ITPRID1: variants seen among roughly 807,000 people sequenced by gnomAD.
ITPRID1 encodes ITPR interacting domain containing 1.
Under a neutral mutation model 95.4 loss-of-function variants are expected in ITPRID1, and 96 were observed. The ratio of observed to expected loss-of-function variants is 1.01; its 90% CI spans 0.85 to 1.19. The LOEUF (loss-of-function observed/expected upper bound fraction) is 1.19, where lower values mean the gene tolerates loss of function less well. Ranked by LOEUF, ITPRID1 falls within the 50% of genes most tolerant of loss-of-function variation. The probability of loss-of-function intolerance (pLI) is 0.00; values close to 1 mark genes in which losing one functional copy is unlikely to be tolerated. For synonymous variants in ITPRID1, 510 were observed against 453.6 expected, an observed-to-expected ratio of 1.12 and a Z score of -1.58; for missense variants, 1,339 against 1,252.9, an observed-to-expected ratio of 1.07 and a Z score of -1.04.
At chr7:31,641,920 T>C (rs1379668644) in intron 10 of ITPRID1, among the ~76,000 whole-genome samples, 1 of 152,206 alleles carries the variant, frequency 6.6e-6, no homozygotes, top group Non-Finnish European at 1.5e-5. Flanking sequence ...TGTTATTTGG[T>C]TTTGAGAGAC....
At chr7:31,558,606 A>T (rs895384931) in intron 5 of ITPRID1, among the ~76,000 whole-genome samples, 3 of 152,322 alleles carry the variant, frequency 2.0e-5, no homozygotes, top group African/African-American at 2.4e-5. Context: ...CATGGTGACT[A>T]TATTAGTAAT....
At chr7:31,638,971 T>G (rs1789748777) in intron 10 of ITPRID1, among the ~76,000 whole-genome samples, 1 of 152,122 alleles carries the variant, frequency 6.6e-6, no homozygotes, top group Non-Finnish European at 1.5e-5. Flanking sequence ...GACACGGGAT[T>G]TCACCATGTT....
At chr7:31,515,643 TA>T (rs1451635200) in intron 1 of ITPRID1, among the ~76,000 whole-genome samples, 1 of 152,166 alleles carries the variant, frequency 6.6e-6, no homozygotes, top group African/African-American at 2.4e-5. Flanking sequence ...TGATGTCCAG[TA>T]CGTGAAAAAG....
chr7:31,561,913 A>G (rs1205356906), intron 5 of ITPRID1, among the ~76,000 whole-genome samples: 1 of 152,116 alleles, frequency 6.6e-6, no homozygotes, highest in East Asian at 1.9e-4. Flanking sequence ...CACAAACACA[A>G]GATAGAACAT....
intron 10 of ITPRID1, among the ~76,000 whole-genome samples, chr7:31,591,020 A>C (rs1377317481): frequency 6.6e-6 from 1 of 152,168 alleles, no homozygotes; most frequent in African/African-American, 2.4e-5. Context: ...TGTGCTATGC[A>C]TCTGGAAAAG....
rs560872553 is a variant in ITPRID1 at position 31,610,228 on chromosome 7, G to C, written c.1228+27037G>C. 9.4e-4 allele frequency among the ~76,000 whole-genome samples: 143 copies of C among 151,720 alleles called. 2 individuals carry two copies. In the South Asian group the frequency reaches 0.019, roughly 20 times the overall value. ...CTGCTTGGAGAATGTTCCATGTACA[G>C]TTGAGAAATGTAAGTATTCTTCTCA... is the stretch of plus-strand genomic sequence containing the variant. On this transcript the variant is annotated intron_variant, in intron 10 of 14. Coordinates refer to ENST00000615280, the MANE Select transcript of ITPRID1 (RefSeq NM_001257967.3).
intron 5 of ITPRID1, 128 bp from the exon 6 acceptor site, chr7:31,569,629 CT>C (rs1784913037): frequency 2.8e-6 from 2 of 702,694 alleles, no homozygotes; most frequent in Admixed American, 2.6e-5. Flanking sequence ...GCAGTGATGC[CT>C]TGTATTTCAT....
chr7:31,608,092 A>G (rs1786704753), intron 10 of ITPRID1, among the ~76,000 whole-genome samples: 1 of 152,012 alleles, frequency 6.6e-6, no homozygotes. Context: ...CTGTTTTATC[A>G]TGATATTTAG....
chr7:31,593,337 T>A (rs1312161004), intron 10 of ITPRID1, among the ~76,000 whole-genome samples: 1 of 151,810 alleles, frequency 6.6e-6, no homozygotes, highest in Non-Finnish European at 1.5e-5. Flanking sequence ...AACAAAACAA[T>A]CATGCATCAT....
rs1169941427 is a variant in ITPRID1 at position 31,642,270 on chromosome 7, T to C, written c.1311+12T>C. On this transcript the variant is annotated intron_variant, in intron 11 of 14. Coordinates refer to ENST00000615280, the MANE Select transcript of ITPRID1 (RefSeq NM_001257967.3). ...CGCTGCCCCTCCAGGTAGGAGGGTT[T>C]GGAACAGGGCCCTGTTGCTCATCCC... 6.5e-7 allele frequency: 1 copy of C among 1,534,190 alleles called. No homozygotes were observed. The highest frequency in any genetic ancestry group is 8.8e-7 in the Non-Finnish European group (1 of 1,133,184).
rs906787907 is a variant in ITPRID1 at position 31,655,017 on chromosome 7, CT to C, written c.*2191del. Among the ~76,000 whole-genome samples, 4 of 152,152 alleles carry C rather than the reference CT, an allele frequency of 2.6e-5. No individual in the cohort carries two copies. The highest frequency in any genetic ancestry group is 1.3e-4 in the Admixed American group (2 of 15,264). Reference sequence around the variant, plus strand: ...CCCATTCTGTCCTGAATTCTCTTCTCTTTCTCCATTCCTCTGTCCTCAGTAT... The same window carrying C: ...CCCATTCTGTCCTGAATTCTCTTCTCTTCTCCATTCCTCTGTCCTCAGTAT... On this transcript the variant is annotated 3_prime_UTR_variant, in exon 15 of 15. Transcript: ENST00000615280.
In ITPRID1 at chr7:31,654,017, CTT is replaced by C. The variant is rs1432972156; in HGVS notation, c.*1190_*1191del. The stretch of plus-strand genomic sequence containing the variant: ...GACAGCCATAAATAAGACAGATGGA[CTT>C]TCTACTCAGAAAGAGTTGGATGAAG... On this transcript the variant is annotated 3_prime_UTR_variant, in exon 15 of 15. Transcript: ENST00000615280. Among the ~76,000 whole-genome samples the C allele has an allele frequency of 7.3e-6, 1 of 137,020 alleles. No individual in the cohort carries two copies. Among genetic ancestry groups the C allele is most frequent in the Non-Finnish European group, 1.5e-5 (1 of 65,728 alleles). The allele number at this position is 137,020 out of a possible 152,430, so 89.9% of individuals were successfully genotyped here.
chr7:31,538,916 C>G (rs1014508167), intron 1 of ITPRID1, among the ~76,000 whole-genome samples: 6 of 152,206 alleles, frequency 3.9e-5, no homozygotes, highest in African/African-American at 1.4e-4. Flanking sequence ...GTTTTGCACC[C>G]AATTACGGTG....
At position 31,655,569 on chromosome 7, in the gene ITPRID1, C is replaced by G. The variant is rs568097989; in HGVS notation, c.*2740C>G. On this transcript the variant is annotated 3_prime_UTR_variant, in exon 15 of 15. Transcript: ENST00000615280. Reference sequence around the variant, plus strand: ...GAGAGAAATCACAGGATCATACTTCCCAGAGCAGCCTTCCACCAGAAATAA... The same window carrying G: ...GAGAGAAATCACAGGATCATACTTCGCAGAGCAGCCTTCCACCAGAAATAA... Among the ~76,000 whole-genome samples the G allele has an allele frequency of 6.6e-6, 1 of 152,232 alleles. No homozygotes were observed. Among genetic ancestry groups the G allele is most frequent in the African/African-American group, 2.4e-5 (1 of 41,530 alleles).
chr7:31,550,458 G>C (rs1215364249), intron 2 of ITPRID1, among the ~76,000 whole-genome samples: 1 of 152,126 alleles, frequency 6.6e-6, no homozygotes, highest in African/African-American at 2.4e-5. Context: ...GAAGTCTGCA[G>C]GCAGTCACAT....
chr7:31,651,625 A>G (rs1427580083), intron 13 of ITPRID1, among the ~76,000 whole-genome samples: 2 of 152,120 alleles, frequency 1.3e-5, no homozygotes, highest in Non-Finnish European at 2.9e-5. Context: ...CTGTAAAGGG[A>G]GAGGCATACG....
chr7:31,547,471 C>T (rs1278487740), intron 1 of ITPRID1, among the ~76,000 whole-genome samples: 1 of 124,748 alleles, frequency 8.0e-6, no homozygotes, highest in African/African-American at 2.6e-5. Context: ...GGAAAGCCCC[C>T]TAAAAAGCCA....
chr7:31,590,425 A>C (rs894219744), intron 10 of ITPRID1, among the ~76,000 whole-genome samples: 3 of 152,140 alleles, frequency 2.0e-5, no homozygotes, highest in Non-Finnish European at 4.4e-5. Context: ...TACTACATAG[A>C]TGTAAGAGGT....
intron 1 of ITPRID1, among the ~76,000 whole-genome samples, chr7:31,533,668 A>G (rs1783671101): frequency 6.6e-6 from 1 of 151,880 alleles, no homozygotes; most frequent in Non-Finnish European, 1.5e-5. Flanking sequence ...TATTTCCTTT[A>G]TCTTTTAGTT....
Sources: gnomAD v4.1 joint callset for allele counts (sites outside exome capture counted in the v4.1 genomes callset) on GRCh38, gnomAD v4.1.1 for gene constraint, MANE v1.5 for transcripts, NCBI Gene and HGNC (gene_info 2026-07-23, HGNC 2026-07-21) for gene names.